The following ROBO2 variants were observed in gnomAD, a reference collection of about 807,000 sequenced individuals.
The protein encoded by ROBO2 is roundabout guidance receptor 2, also known as roundabout homolog 2.
Under a neutral mutation model 160.8 loss-of-function variants are expected in ROBO2, and 53 were observed. The observed-to-expected ratio is 0.33, with a 90% CI of 0.26 to 0.41. ROBO2 has a LOEUF of 0.41. Ranked by LOEUF, ROBO2 falls within the 10% of genes least tolerant of loss-of-function variation. ROBO2 has a pLI of 1.00. For synonymous variants in ROBO2, 664 were observed against 611.7 expected (o/e 1.09, Z -1.26); for missense variants, 1,577 against 1,722.4 (o/e 0.92, Z 1.49).
intron 2 of ROBO2, among the ~76,000 whole-genome samples, chr3:76,398,369 A>T (rs1013369925): frequency 6.6e-6 from 1 of 151,840 alleles, no homozygotes; most frequent in Non-Finnish European, 1.5e-5. Context: ...AGATATACCT[A>T]ATGCTAAATG....
chr3:76,270,978 T>C (rs1299396589), intron 2 of ROBO2, among the ~76,000 whole-genome samples: 1 of 152,118 alleles, frequency 6.6e-6, no homozygotes, highest in Admixed American at 6.6e-5. Context: ...GAATCAAGGA[T>C]GTACTTTGAA....
chr3:76,120,425 T>G (rs1489020176), intron 2 of ROBO2, among the ~76,000 whole-genome samples: 1 of 152,234 alleles, frequency 6.6e-6, no homozygotes, highest in African/African-American at 2.4e-5. Flanking sequence ...TATAATCTGC[T>G]TATCCTGATA....
At chr3:76,343,184 A>G (rs1241761592) in intron 2 of ROBO2, among the ~76,000 whole-genome samples, 2 of 152,118 alleles carry the variant, frequency 1.3e-5, no homozygotes, top group African/African-American at 4.8e-5. Context: ...GGTGTGGTAT[A>G]TTTATTGAAT....
At chr3:76,870,713 C>G (rs2071942865) in intron 2 of ROBO2, among the ~76,000 whole-genome samples, 1 of 152,096 alleles carries the variant, frequency 6.6e-6, no homozygotes, top group African/African-American at 2.4e-5. Flanking sequence ...TATTCATATT[C>G]TCCAATCACC....
intron 2 of ROBO2, among the ~76,000 whole-genome samples, chr3:76,495,574 G>A (rs1344176432): frequency 6.8e-6 from 1 of 148,072 alleles, no homozygotes; most frequent in South Asian, 2.2e-4. Flanking sequence ...GATCATTTAG[G>A]CTATAGACCA....
chr3:76,579,788 A>C (rs1247035168), intron 2 of ROBO2, among the ~76,000 whole-genome samples: 13 of 2,542 alleles, frequency 5.1e-3, no homozygotes, highest in Non-Finnish European at 8.1e-3. Context: ...TTGAGTTACA[A>C]AAAAAAAAAA....
chr3:76,149,885 G>A (rs199878323), intron 2 of ROBO2, among the ~76,000 whole-genome samples: 14 of 37,356 alleles, frequency 3.7e-4, no homozygotes, highest in Middle Eastern at 0.013. Flanking sequence ...TCTGTCTAAA[G>A]CACACATCAT....
rs1389846406 is a variant in ROBO2, at chr3:77,608,010, G to A, written c.3293+56G>A. The A allele has an allele frequency of 1.9e-4, 305 of 1,579,408 alleles. 10 individuals carry two copies. The South Asian group carries it at 2.2e-3, about 12-fold the overall frequency. On this transcript the variant is annotated intron_variant, in intron 21 of 25. Transcript: ENST00000461745. ...CCAGGGCTCTCCTCTCCTCTCTGTT[G>A]TTCATTTTTGCCATCATCTTATGTT... is the stretch of plus-strand genomic sequence containing the variant.
intron 2 of ROBO2, among the ~76,000 whole-genome samples, chr3:76,758,286 A>C (rs2061101261): frequency 6.6e-6 from 1 of 151,890 alleles, no homozygotes; most frequent in Non-Finnish European, 1.5e-5. Context: ...TGTTGAACAA[A>C]GACTATTGGG....
intron 2 of ROBO2, among the ~76,000 whole-genome samples, chr3:76,315,905 T>C (rs1391653364): frequency 1.3e-5 from 2 of 151,936 alleles, no homozygotes; most frequent in African/African-American, 4.8e-5. Flanking sequence ...GTCTGAGAAA[T>C]AAAGAGAAAG....
At chr3:75,916,013 A>G (rs1351869935) in intron 1 of ROBO2, among the ~76,000 whole-genome samples, 1 of 152,218 alleles carries the variant, frequency 6.6e-6, no homozygotes, top group Non-Finnish European at 1.5e-5. Flanking sequence ...ATCTTTATCT[A>G]TAGAGCTGAT....
At chr3:76,128,784 TA>T (rs1463938091) in intron 2 of ROBO2, among the ~76,000 whole-genome samples, 1 of 152,128 alleles carries the variant, frequency 6.6e-6, no homozygotes, top group South Asian at 2.1e-4. Context: ...ACTGTATTTT[TA>T]AAAAAGATTT....
At chr3:77,437,506 T>C (rs2079419189) in intron 2 of ROBO2, among the ~76,000 whole-genome samples, 1 of 151,948 alleles carries the variant, frequency 6.6e-6, no homozygotes, top group South Asian at 2.1e-4. Flanking sequence ...TAACAATTTA[T>C]TTTTATGATA....
At chr3:77,304,858 C>T (rs60822492) in intron 2 of ROBO2, among the ~76,000 whole-genome samples, 54,957 of 151,906 alleles carry the variant, frequency 0.36, 10,262 homozygotes, top group Middle Eastern at 0.5. Flanking sequence ...TTGTCTGTGA[C>T]GTGTCAGTTA....
chr3:77,268,548 A>G (rs2059282420), intron 2 of ROBO2, among the ~76,000 whole-genome samples: 1 of 152,186 alleles, frequency 6.6e-6, no homozygotes, highest in African/African-American at 2.4e-5. Context: ...CTTATCTATT[A>G]ACTTCATTTT....
chr3:76,751,687 A>G (rs1204617577), intron 2 of ROBO2, among the ~76,000 whole-genome samples: 1 of 151,954 alleles, frequency 6.6e-6, no homozygotes, highest in Non-Finnish European at 1.5e-5. Flanking sequence ...GACACATGAA[A>G]AAAATGCTCA....
chr3:77,290,072 T>A (rs1472129395), intron 2 of ROBO2, among the ~76,000 whole-genome samples: 2 of 149,638 alleles, frequency 1.3e-5, no homozygotes, highest in Non-Finnish European at 3.0e-5. Flanking sequence ...ACCAAAGACA[T>A]AAAGTAAAAT....
At chr3:76,119,274 A>G (rs1290182360) in intron 2 of ROBO2, among the ~76,000 whole-genome samples, 2 of 152,266 alleles carry the variant, frequency 1.3e-5, no homozygotes, top group Non-Finnish European at 1.5e-5. Flanking sequence ...CTGGTATTGC[A>G]CTATTTATAA....
At chr3:76,418,039 A>G (rs968268734) in intron 2 of ROBO2, among the ~76,000 whole-genome samples, 3 of 151,988 alleles carry the variant, frequency 2.0e-5, no homozygotes, top group Non-Finnish European at 4.4e-5. Context: ...AAGCTATGAA[A>G]ATAACCTTAA....
Sources: gnomAD v4.1 joint callset for allele counts (sites outside exome capture counted in the v4.1 genomes callset) on GRCh38, gnomAD v4.1.1 for gene constraint, MANE v1.5 for transcripts, NCBI Gene and HGNC (gene_info 2026-07-23, HGNC 2026-07-21) for gene names.